Variants in ROR2 observed in about 807,000 individuals in gnomAD.
The protein encoded by ROR2 is tyrosine-protein kinase transmembrane receptor ROR2.
ROR2 carries 33 observed loss-of-function variants against 74.9 expected under a neutral mutation model. The ratio of observed to expected loss-of-function variants is 0.44; its 90% confidence interval spans 0.33 to 0.59. The LOEUF is 0.59. ROR2 is among the 20% of genes least tolerant of loss of function. The pLI is 0.02. For missense variants in ROR2, 1,216 were observed against 1,313.8 expected, an observed-to-expected ratio of 0.93 and a Z score of 1.15; for synonymous variants, 586 against 558.7, an observed-to-expected ratio of 1.05 and a Z score of -0.69.
chr9:91,774,222 G>A (rs1004096918), intron 2 of ROR2, among the ~76,000 whole-genome samples: 2 of 152,166 alleles, frequency 1.3e-5, no homozygotes, highest in African/African-American at 4.8e-5. Flanking sequence ...ACAGAGGATG[G>A]AATCCTCTTA....
At chr9:91,777,233 AG>A (rs1233239020) in intron 1 of ROR2, among the ~76,000 whole-genome samples, 1 of 152,232 alleles carries the variant, frequency 6.6e-6, no homozygotes, top group African/African-American at 2.4e-5. Flanking sequence ...AAAATGTGAC[AG>A]GAAGTATGTG....
intron 1 of ROR2, among the ~76,000 whole-genome samples, chr9:91,792,156 C>T (rs1846296296): frequency 6.6e-6 from 1 of 152,004 alleles, no homozygotes; most frequent in Admixed American, 6.6e-5. Flanking sequence ...AATCAACAGC[C>T]TAACTTTACA....
chr9:91,726,709 G>A lies in ROR2; in HGVS notation c.1218C>T (p.Tyr406=), dbSNP rs1837052494. ...PRDSSKMGIL[Y]ILVPSIAIPL... is the part of the protein sequence containing the mutation. ...GAATTGCGATGCTGGGGACCAAGAT[G>A]TACAGAATCCCCATCTTGCTGCTGT... Residue 406 remains tyrosine, a synonymous_variant, in exon 8 of 9, where the codon TAC becomes TAT. Transcript: ENST00000375708. The A allele has an allele frequency of 1.2e-6, 2 of 1,613,932 alleles. No individual in the cohort carries two copies. Among genetic ancestry groups the A allele is most frequent in the Admixed American group, 1.7e-5 (1 of 59,996 alleles).
At chr9:91,899,275 G>A (rs1830612488) in intron 1 of ROR2, among the ~76,000 whole-genome samples, 1 of 152,208 alleles carries the variant, frequency 6.6e-6, no homozygotes, top group Admixed American at 6.5e-5. Flanking sequence ...TCTGCAAAGG[G>A]CGACTGCAGA....
At chr9:91,838,188 C>G (rs563607946) in intron 1 of ROR2, among the ~76,000 whole-genome samples, 1 of 152,198 alleles carries the variant, frequency 6.6e-6, no homozygotes, top group South Asian at 2.1e-4. Flanking sequence ...TTCACTGCAA[C>G]TTTAAGAAGG....
At chr9:91,774,274 T>C (rs1037249241) in intron 2 of ROR2, among the ~76,000 whole-genome samples, 1 of 152,230 alleles carries the variant, frequency 6.6e-6, no homozygotes, top group Non-Finnish European at 1.5e-5. Flanking sequence ...CCACCCTGCA[T>C]GCTGGGCAGA....
At chr9:91,858,546 G>T (rs1829371783) in intron 1 of ROR2, among the ~76,000 whole-genome samples, 1 of 152,160 alleles carries the variant, frequency 6.6e-6, no homozygotes, top group South Asian at 2.1e-4. Flanking sequence ...CTGTGGGTGG[G>T]GCCAGGCATT....
At chr9:91,763,594 T>C (rs1414130635) in intron 2 of ROR2, among the ~76,000 whole-genome samples, 5 of 152,264 alleles carry the variant, frequency 3.3e-5, no homozygotes, top group Admixed American at 6.5e-5. Context: ...TTTCTCGTCA[T>C]TGGGGCTCCC....
At position 91,775,676 on chromosome 9, in the gene ROR2, T is replaced by G. The variant is rs935949973; in HGVS notation, c.175+65A>C. 12 of 1,499,454 alleles carry G rather than the reference T, an allele frequency of 8.0e-6. No individual in the cohort carries two copies. The African/African-American group carries it at 1.5e-4, about 19-fold the overall frequency. The allele number at this position is 1,499,454 out of a possible 1,614,324, so 92.9% of individuals were successfully genotyped here. A position where few individuals can be genotyped will look rare whatever the true frequency, so the allele number is the denominator to read the frequency against. On this transcript the variant is annotated intron_variant, in intron 2 of 8. Coordinates refer to ENST00000375708, the MANE Select transcript of ROR2 (RefSeq NM_004560.4). Reference sequence around the variant, plus strand: ...AGCGCCTTCCTTCAGGCAATGGCAGTGCAAGATGAGCCTCAGCACAGGGCA... The same window carrying G: ...AGCGCCTTCCTTCAGGCAATGGCAGGGCAAGATGAGCCTCAGCACAGGGCA...
At chr9:91,845,401 C>A (rs1828896961) in intron 1 of ROR2, among the ~76,000 whole-genome samples, 1 of 151,890 alleles carries the variant, frequency 6.6e-6, no homozygotes. Context: ...TTCAGAGAGA[C>A]ATCCATACCA....
chr9:91,789,438 T>C (rs955699972), intron 1 of ROR2, among the ~76,000 whole-genome samples: 3 of 152,204 alleles, frequency 2.0e-5, no homozygotes, highest in Non-Finnish European at 4.4e-5. Context: ...TGTTTTTTTG[T>C]AATTCTTTTA....
At chr9:91,835,318 C>A (rs1828578219) in intron 1 of ROR2, among the ~76,000 whole-genome samples, 2 of 152,232 alleles carry the variant, frequency 1.3e-5, no homozygotes, top group South Asian at 4.1e-4. Flanking sequence ...AAAACACTTC[C>A]ATTTCCGTGG....
At chr9:91,887,762 T>G (rs948035414) in intron 1 of ROR2, among the ~76,000 whole-genome samples, 8 of 151,786 alleles carry the variant, frequency 5.3e-5, no homozygotes, top group African/African-American at 9.7e-5. Flanking sequence ...TCCAGCAGCT[T>G]CTTCTCTCCA....
intron 1 of ROR2, among the ~76,000 whole-genome samples, chr9:91,833,892 C>G (rs764897202): frequency 1.3e-5 from 2 of 152,146 alleles, no homozygotes; most frequent in Non-Finnish European, 2.9e-5. Context: ...GCCCAGTGTT[C>G]AGGGAAATCT....
intron 1 of ROR2, among the ~76,000 whole-genome samples, chr9:91,889,125 G>T (rs536699259): frequency 5.9e-5 from 9 of 152,318 alleles, no homozygotes; most frequent in African/African-American, 1.4e-4. Context: ...TTACTTTCCA[G>T]TGAGACCAGT....
chr9:91,933,976 CAT>C, intron 1 of ROR2, among the ~76,000 whole-genome samples: 1 of 152,094 alleles, frequency 6.6e-6, no homozygotes, highest in South Asian at 2.1e-4. Context: ...TTCACTTTAA[CAT>C]GATTCATTTT....
At chr9:91,774,163 G>A (rs1826336708) in intron 2 of ROR2, among the ~76,000 whole-genome samples, 1 of 152,214 alleles carries the variant, frequency 6.6e-6, no homozygotes, top group African/African-American at 2.4e-5. Context: ...CCCAAGGCCA[G>A]TGTACTAAAC....
chr9:91,766,794 C>CGG (rs1311696534), intron 2 of ROR2, among the ~76,000 whole-genome samples: 1 of 152,186 alleles, frequency 6.6e-6, no homozygotes, highest in Non-Finnish European at 1.5e-5. Context: ...ACTGAGGTTT[C>CGG]GGCTCACTTG....
At chr9:91,759,148 G>T (rs1476172636) in intron 2 of ROR2, among the ~76,000 whole-genome samples, 2 of 152,196 alleles carry the variant, frequency 1.3e-5, no homozygotes, top group Non-Finnish European at 2.9e-5. Flanking sequence ...TATTTCTAGT[G>T]AACCCTAAGG....
Sources: allele counts gnomAD v4.1 joint callset (sites outside exome capture counted in the v4.1 genomes callset), GRCh38; gene constraint gnomAD v4.1.1; transcripts MANE v1.5; gene names NCBI Gene and HGNC (gene_info 2026-07-23, HGNC 2026-07-21).